Variants in ABCA13 observed in about 807,000 individuals in gnomAD.
The protein encoded by ABCA13 is ATP binding cassette subfamily A member 13, also known as ATP-binding cassette sub-family A member 13.
A neutral mutation model predicts 478.7 loss-of-function variants in ABCA13; 476 were observed. That is an observed-to-expected ratio of 0.99 (90% CI 0.92 to 1.07). The LOEUF is 1.07. Among genes scored for constraint, ABCA13 ranks in the 50% least tolerant of loss-of-function variants. The probability of loss-of-function intolerance (pLI) is 0.00; values close to 1 mark genes in which losing one functional copy is unlikely to be tolerated. For synonymous variants in ABCA13, 2,252 were observed against 2,158.9 expected, an observed-to-expected ratio of 1.04 and a Z score of -1.20; for missense variants, 6,060 against 5,910.6, an observed-to-expected ratio of 1.03 and a Z score of -0.83.
chr7:48,195,992 A>G (rs1797874590), intron 2 of ABCA13, among the ~76,000 whole-genome samples: 2 of 152,194 alleles, frequency 1.3e-5, no homozygotes, highest in Admixed American at 6.5e-5. Flanking sequence ...ATAGAAAACC[A>G]GGTGTACTGT....
chr7:48,358,211 A>C, intron 31 of ABCA13, among the ~76,000 whole-genome samples: 1 of 109,878 alleles, frequency 9.1e-6, no homozygotes, highest in African/African-American at 3.6e-5. Flanking sequence ...AAGGAAAGGA[A>C]AAAGGAAAGG....
intron 60 of ABCA13, 143 bp downstream of exon 60, chr7:48,643,536 C>G: frequency 3.0e-6 from 2 of 663,928 alleles, no homozygotes; most frequent in East Asian, 2.7e-5. Flanking sequence ...GGCCCTGCCT[C>G]CCTACCAAAA....
Position 48,520,115 on chromosome 7 carries a change from G to C in ABCA13, c.13872G>C (p.Leu4624=). 6.2e-7 allele frequency: 1 copy of C among 1,613,662 alleles called. No homozygotes were observed. Among genetic ancestry groups the C allele is most frequent in the Non-Finnish European group, 8.5e-7 (1 of 1,179,766 alleles). ...CTCAATTCTGTCTTGGTCAAGGACT[G>C]GTAGAACTCTGCTATAATCAGATCA... ...IFPQFCLGQG[L]VELCYNQIKY... is the part of the protein sequence containing the mutation. The change falls in exon 53 of 62, where the codon CTG becomes CTC. Residue 4624 remains leucine (L), a synonymous_variant. Coordinates refer to ENST00000435803, the MANE Select transcript of ABCA13 (RefSeq NM_152701.5).
chr7:48,371,140 G>A (rs1253723407), intron 32 of ABCA13, among the ~76,000 whole-genome samples: 2 of 152,058 alleles, frequency 1.3e-5, no homozygotes, highest in Non-Finnish European at 2.9e-5. Flanking sequence ...TGGTTTATGT[G>A]TCTGTTTTTG....
In ABCA13 at chr7:48,272,014, G is replaced by C. The variant is rs376264174; in HGVS notation, c.2348G>C (p.Arg783Thr). ...LWTNHLKSLK[R>T]DPSATDAQKL... is the part of the protein sequence containing the mutation. ...ACAAATCATTTAAAAAGTTTAAAGA[G>C]AGACCCATCTGCCACTGATGCTCAG... Residue 783 changes from arginine (R) to threonine (T), a missense_variant, in exon 17 of 62, where the codon AGA becomes ACA. Arg to Thr is a moderately conservative substitution (Grantham distance 71, BLOSUM62 -1). Coordinates refer to ENST00000435803, the MANE Select transcript of ABCA13 (RefSeq NM_152701.5). The C allele has an allele frequency of 1.3e-5, 21 of 1,613,458 alleles. No homozygotes were observed. Among genetic ancestry groups the C allele is most frequent in the East Asian group, 2.2e-5 (1 of 44,870 alleles).
At chr7:48,515,449 T>C (rs1832034192) in intron 51 of ABCA13, among the ~76,000 whole-genome samples, 1 of 152,152 alleles carries the variant, frequency 6.6e-6, no homozygotes, top group South Asian at 2.1e-4. Flanking sequence ...TGAGATGTTT[T>C]CCTTTTAGGG....
chr7:48,504,217 G>A (rs1297594543), intron 48 of ABCA13, among the ~76,000 whole-genome samples: 3 of 152,194 alleles, frequency 2.0e-5, no homozygotes, highest in Non-Finnish European at 4.4e-5. Flanking sequence ...AATGGGAGCA[G>A]TGGGAGAATA....
intron 27 of ABCA13, among the ~76,000 whole-genome samples, chr7:48,330,824 T>G (rs1253922414): frequency 6.6e-6 from 1 of 152,232 alleles, no homozygotes; most frequent in Non-Finnish European, 1.5e-5. Context: ...CAACCATTCA[T>G]TCATCCATTT....
intron 58 of ABCA13, among the ~76,000 whole-genome samples, chr7:48,608,643 G>A (rs1791715163): frequency 6.6e-6 from 1 of 152,236 alleles, no homozygotes; most frequent in African/African-American, 2.4e-5. Flanking sequence ...ATCCTCTTCA[G>A]CTGGGGCAGA....
intron 18 of ABCA13, 22 bp downstream of exon 18, chr7:48,279,942 CT>C: frequency 6.7e-7 from 1 of 1,500,592 alleles, no homozygotes; most frequent in South Asian, 1.4e-5. Flanking sequence ...GCTGAATTCA[CT>C]TTGTTTTTTT....
At chr7:48,620,087 C>G (rs533385700) in intron 59 of ABCA13, among the ~76,000 whole-genome samples, 1 of 152,248 alleles carries the variant, frequency 6.6e-6, no homozygotes, top group Admixed American at 6.5e-5. Context: ...GGTAGATTAG[C>G]ATCCATGATG....
At chr7:48,179,008 A>C (rs1174802025) in intron 1 of ABCA13, among the ~76,000 whole-genome samples, 1 of 148,402 alleles carries the variant, frequency 6.7e-6, no homozygotes, top group Non-Finnish European at 1.5e-5. Flanking sequence ...AATAATAATA[A>C]TAATAATAAT....
chr7:48,378,934 T>C (rs189377525), intron 35 of ABCA13, among the ~76,000 whole-genome samples: 1 of 152,342 alleles, frequency 6.6e-6, no homozygotes, highest in East Asian at 1.9e-4. Context: ...CACCTTTGAA[T>C]GGCAGACACT....
chr7:48,280,615 C>T lies in ABCA13; in HGVS notation c.8726+695C>T, dbSNP rs530189313. 6.0e-5 allele frequency among the ~76,000 whole-genome samples: 9 copies of T among 149,550 alleles called. No individual in the cohort carries two copies. In the East Asian group the frequency reaches 1.5e-3, roughly 26 times the overall value. On this transcript the variant is annotated intron_variant, in intron 18 of 61. Transcript: ENST00000435803. ...ATACTGTTAGGGTGGTCCCTGGTCTCTGTTTCTCCCTGCTTTCCTCTCTGG... is the reference window on the plus strand; with the variant it reads ...ATACTGTTAGGGTGGTCCCTGGTCTTTGTTTCTCCCTGCTTTCCTCTCTGG...
chr7:48,335,617 A>C, intron 28 of ABCA13, 82 bp downstream of exon 28: 4 of 1,036,838 alleles, frequency 3.9e-6, no homozygotes, highest in Non-Finnish European at 5.8e-6. Context: ...CCTGTAGAAG[A>C]TTCTACAGAG....
At chr7:48,576,774 A>G (rs1271019243) in intron 55 of ABCA13, among the ~76,000 whole-genome samples, 2 of 152,184 alleles carry the variant, frequency 1.3e-5, no homozygotes, top group Non-Finnish European at 2.9e-5. Flanking sequence ...CACCACTGAG[A>G]CAGCCACCAG....
intron 37 of ABCA13, 111 bp from the exon 38 acceptor site, chr7:48,391,810 A>G: frequency 1.0e-6 from 1 of 994,410 alleles, no homozygotes; most frequent in Non-Finnish European, 1.5e-6. Flanking sequence ...AGGTCAGCAG[A>G]AGGTGAGTGC....
Position 48,203,233 on chromosome 7 carries a change from C to T in ABCA13, c.287+4873C>T, listed in dbSNP as rs576522543. ...GCGGGCGGGGCCCGCCAAGCCCACG[C>T]GCACCGGAACTCCAGCTGGCCCGCA... is the stretch of plus-strand genomic sequence containing the variant. On this transcript the variant is annotated intron_variant, in intron 3 of 61. Transcript: ENST00000435803. Among the ~76,000 whole-genome samples the T allele has an allele frequency of 3.3e-3, 481 of 144,856 alleles. 5 individuals are homozygous for T. Among genetic ancestry groups the T allele is most frequent in the African/African-American group, 0.011 (456 of 40,096 alleles).
At chr7:48,414,909 G>A (rs185703711) in intron 41 of ABCA13, among the ~76,000 whole-genome samples, 2 of 152,306 alleles carry the variant, frequency 1.3e-5, no homozygotes, top group African/African-American at 4.8e-5. Context: ...TGCATGAGAC[G>A]TTGCTGCCGT....
Sources: allele counts gnomAD v4.1 joint callset (sites outside exome capture counted in the v4.1 genomes callset), GRCh38; gene constraint gnomAD v4.1.1; transcripts MANE v1.5; gene names NCBI Gene and HGNC (gene_info 2026-07-23, HGNC 2026-07-21).